DGLUCY: variants seen among roughly 807,000 people sequenced by gnomAD.
DGLUCY encodes D-glutamate cyclase, mitochondrial.
Under a neutral mutation model 58.5 loss-of-function variants are expected in DGLUCY, and 58 were observed. The observed-to-expected ratio is 0.99, with a 90% CI of 0.80 to 1.23. The LOEUF is 1.23. Ranked by LOEUF, DGLUCY falls within the 50% of genes most tolerant of loss-of-function variation. The probability of loss-of-function intolerance (pLI) is 0.00; values close to 1 mark genes in which losing one functional copy is unlikely to be tolerated. For missense variants in DGLUCY, 779 were observed against 784.7 expected (o/e 0.99, Z 0.09); for synonymous variants, 325 against 314.1 (o/e 1.03, Z -0.37).
chr14:91,114,673 T>C (rs996542901), intron 1 of DGLUCY: 1 of 152,284 alleles, frequency 6.6e-6, no homozygotes, highest in East Asian at 1.9e-4. Flanking sequence ...GGGGATGAGG[T>C]GACAAAGCTA....
intron 1 of DGLUCY, among the ~76,000 whole-genome samples, chr14:91,097,429 GT>G (rs1475268343): frequency 6.6e-6 from 1 of 152,082 alleles, no homozygotes; most frequent in Non-Finnish European, 1.5e-5. Context: ...CAAAGAAAAT[GT>G]TTTAAAATTG....
chr14:91,081,582 G>C (rs1057064334), intron 1 of DGLUCY, among the ~76,000 whole-genome samples: 1 of 152,112 alleles, frequency 6.6e-6, no homozygotes, highest in African/African-American at 2.4e-5. Flanking sequence ...TCGAGGCATC[G>C]GTAGGGCTGT....
At chr14:91,206,090 T>C (rs536014445) in intron 12 of DGLUCY, among the ~76,000 whole-genome samples, 1 of 152,148 alleles carries the variant, frequency 6.6e-6, no homozygotes, top group East Asian at 1.9e-4. Flanking sequence ...TTTGCCCACC[T>C]TGGCCTCCCA....
intron 1 of DGLUCY, among the ~76,000 whole-genome samples, chr14:91,099,273 CTATAA>C (rs970492847): frequency 6.1e-4 from 93 of 152,248 alleles, no homozygotes; most frequent in African/African-American, 2.1e-3. Context: ...TGACTCATGC[CTATAA>C]TCCCAATACT....
chr14:91,144,734 G>A (rs1405223208), intron 1 of DGLUCY, among the ~76,000 whole-genome samples: 1 of 152,182 alleles, frequency 6.6e-6, no homozygotes, highest in Non-Finnish European at 1.5e-5. Flanking sequence ...GGGAAGTGGG[G>A]TTTGTCAGGG....
intron 1 of DGLUCY, among the ~76,000 whole-genome samples, chr14:91,122,525 A>G (rs981768946): frequency 6.6e-6 from 1 of 151,872 alleles, no homozygotes; most frequent in African/African-American, 2.4e-5. Flanking sequence ...AGTGTATTTA[A>G]TGTTACTGAA....
At chr14:91,111,536 C>A (rs531723410), upstream of DGLUCY, among the ~76,000 whole-genome samples, 1 of 152,278 alleles carries the variant, frequency 6.6e-6, no homozygotes, top group East Asian at 1.9e-4. Flanking sequence ...CCACCTTGGC[C>A]TCCCAAAGTA....
At chr14:91,094,694 G>A (rs2044366848) in intron 1 of DGLUCY, among the ~76,000 whole-genome samples, 1 of 151,504 alleles carries the variant, frequency 6.6e-6, no homozygotes, top group Non-Finnish European at 1.5e-5. Context: ...GTGGTGATGG[G>A]CACCTGTAAT....
intron 1 of DGLUCY, among the ~76,000 whole-genome samples, chr14:91,118,487 GT>G (rs2045143272): frequency 6.6e-6 from 1 of 151,992 alleles, no homozygotes; most frequent in Non-Finnish European, 1.5e-5. Flanking sequence ...ACAAAAAGCA[GT>G]TTCAAAATAT....
intron 1 of DGLUCY, among the ~76,000 whole-genome samples, chr14:91,076,655 A>T (rs899200099): frequency 6.6e-6 from 1 of 152,286 alleles, no homozygotes; most frequent in South Asian, 2.1e-4. Flanking sequence ...AGGGATGGTG[A>T]TACTTGGGTC....
At chr14:91,163,795 T>C (rs1566976325) in intron 3 of DGLUCY, among the ~76,000 whole-genome samples, 2 of 152,194 alleles carry the variant, frequency 1.3e-5, no homozygotes, top group East Asian at 1.9e-4. Context: ...TAAAATATAA[T>C]TACTTGTGCA....
At chr14:91,130,135 A>G (rs1157487383) in intron 1 of DGLUCY, among the ~76,000 whole-genome samples, 1 of 152,186 alleles carries the variant, frequency 6.6e-6, no homozygotes, top group Non-Finnish European at 1.5e-5. Flanking sequence ...TTTTTCCCTA[A>G]AGTGGTTTAT....
chr14:91,199,644 A>G, intron 10 of DGLUCY, 113 bp from the exon 11 acceptor site: 1 of 1,236,008 alleles, frequency 8.1e-7, no homozygotes, highest in South Asian at 1.4e-5. Flanking sequence ...GCAGGAATGA[A>G]GGAATCAAAG....
rs539555583 is a variant in DGLUCY, at chr14:91,189,270, C to G, written c.1195+100C>G. 8.4e-5 allele frequency: 120 copies of G among 1,433,850 alleles called. No individual in the cohort carries two copies. The African/African-American group carries it at 1.4e-3, about 16-fold the overall frequency. 88.8% of individuals were successfully genotyped at this position (1,433,850 alleles called of 1,614,324 possible). ...GCAGTACAGAGCATTCTCCTTCCAGCTCAGAACAACTCCGTTGTAAGCTGC... is the reference window on the plus strand; with the variant it reads ...GCAGTACAGAGCATTCTCCTTCCAGGTCAGAACAACTCCGTTGTAAGCTGC... On this transcript the variant is annotated intron_variant, in intron 9 of 13. Transcript: ENST00000256324.
rs1348750528 is a variant in DGLUCY at position 91,160,370 on chromosome 14, A to G, written c.76A>G (p.Ile26Val). 5.0e-6 allele frequency: 8 copies of G among 1,611,800 alleles called. No homozygotes were observed. Among genetic ancestry groups the G allele is most frequent in the South Asian group, 1.1e-5 (1 of 91,010 alleles). Reference protein sequence around the residue: ...RSLILQKKPNIRNTSSMAGEL... With the variant: ...RSLILQKKPNVRNTSSMAGEL... ...TTTGATTCTACAAAAGAAACCAAAC[A>G]TCAGAAATACATCCAGCATGGCTGG... Residue 26 changes from isoleucine to valine, a missense_variant, in exon 3 of 14, where the codon ATC becomes GTC. Coordinates refer to ENST00000256324, the MANE Select transcript of DGLUCY (RefSeq NM_001102368.3).
intron 1 of DGLUCY, among the ~76,000 whole-genome samples, chr14:91,085,114 C>T (rs1211254156): frequency 1.3e-5 from 2 of 151,080 alleles, no homozygotes; most frequent in Non-Finnish European, 1.5e-5. Context: ...TCCTGCTACT[C>T]TGGAGGCTGA....
At chr14:91,177,758 C>T (rs2048942051) in intron 7 of DGLUCY, among the ~76,000 whole-genome samples, 1 of 152,234 alleles carries the variant, frequency 6.6e-6, no homozygotes, top group South Asian at 2.1e-4. Context: ...AAGATCATCC[C>T]TAATGTGGTG....
intron 7 of DGLUCY, among the ~76,000 whole-genome samples, chr14:91,176,943 C>T (rs867370407): frequency 6.9e-6 from 1 of 145,518 alleles, no homozygotes; most frequent in African/African-American, 2.8e-5. Context: ...CCTTCCTTCC[C>T]TTCTTCTTTC....
At chr14:91,142,861 AC>A (rs1566963320) in intron 1 of DGLUCY, among the ~76,000 whole-genome samples, 1 of 149,322 alleles carries the variant, frequency 6.7e-6, no homozygotes, top group African/African-American at 2.5e-5. Context: ...ACACACACAC[AC>A]ACACACACAC....
Sources: gnomAD v4.1 joint callset for allele counts (sites outside exome capture counted in the v4.1 genomes callset) on GRCh38, gnomAD v4.1.1 for gene constraint, MANE v1.5 for transcripts, NCBI Gene and HGNC (gene_info 2026-07-23, HGNC 2026-07-21) for gene names.